E2F6: variants seen among roughly 807,000 people sequenced by gnomAD.
The protein encoded by E2F6 is E2F transcription factor 6.
In E2F6, 19 loss-of-function variants were observed where a neutral mutation model predicts 31.5. The ratio of observed to expected loss-of-function variants is 0.60; its 90% CI spans 0.42 to 0.89. E2F6 has a LOEUF of 0.89. E2F6 is among the 40% of genes least tolerant of loss of function. The pLI, the probability that E2F6 is intolerant of heterozygous loss-of-function variation, is 0.00. For synonymous variants in E2F6, 121 were observed against 127.7 expected, an observed-to-expected ratio of 0.95 and a Z score of 0.36; for missense variants, 269 against 341.6, an observed-to-expected ratio of 0.79 and a Z score of 1.67.
chr2:11,465,893 G>T lies in E2F6; in HGVS notation c.-14C>A. 6.5e-7 allele frequency: 1 copy of T among 1,538,476 alleles called. No individual in the cohort carries two copies. Among genetic ancestry groups the T allele is most frequent in the Non-Finnish European group, 8.8e-7 (1 of 1,140,920 alleles). ...CTGCTGACTCATGCTGCCCGGCCGG[G>T]CGTCCTGCTCCCCTCGCACCCCACG... is the stretch of plus-strand genomic sequence containing the variant. On this transcript the variant is annotated 5_prime_UTR_variant, in exon 1 of 7. Coordinates refer to ENST00000381525, the MANE Select transcript of E2F6 (RefSeq NM_198256.4).
At chr2:11,455,825 C>A (rs1671369211) in intron 2 of E2F6, among the ~76,000 whole-genome samples, 1 of 152,016 alleles carries the variant, frequency 6.6e-6, no homozygotes, top group African/African-American at 2.4e-5. Context: ...TTCAAAGTCA[C>A]CCGATGGCAA....
intron 3 of E2F6, among the ~76,000 whole-genome samples, chr2:11,453,068 C>A (rs765294959): frequency 6.6e-6 from 1 of 152,178 alleles, no homozygotes; most frequent in Non-Finnish European, 1.5e-5. Flanking sequence ...CATGTGTGCA[C>A]ACACAGATAC....
In E2F6 at chr2:11,458,319, A is replaced by G. The variant is rs754305158; in HGVS notation, c.109-1086T>C. 4 of 1,551,812 alleles carry G rather than the reference A, an allele frequency of 2.6e-6. No homozygotes were observed. The South Asian group carries it at 4.8e-5, about 18-fold the overall frequency. On this transcript the variant is annotated intron_variant, in intron 1 of 6. Coordinates refer to ENST00000381525, the MANE Select transcript of E2F6 (RefSeq NM_198256.4). ...GCGAAGGCAGCCCTCAGCTGAGCCT[A>G]GCCCAGCAAGCCAGATTTGCCTGAA...
rs1367266354 is a variant in E2F6 at position 11,444,772 on chromosome 2, C to CA, written c.*1704dup. The CA allele has an allele frequency of 4.6e-5, 7 of 152,256 alleles. No homozygotes were observed. Among genetic ancestry groups the CA allele is most frequent in the African/African-American group, 1.4e-4 (6 of 41,438 alleles). The allele number at this position is 152,256 out of a possible 1,614,324, so 9.4% of individuals were successfully genotyped here. A position where few individuals can be genotyped will look rare whatever the true frequency, so the allele number is the denominator to read the frequency against. Reference sequence around the variant, plus strand: ...CCGCTGAGCACCTGACCTACATACACACAACAACCTGCTCAACTCTTGCTT... The same window carrying CA: ...CCGCTGAGCACCTGACCTACATACACAACAACAACCTGCTCAACTCTTGCTT... On this transcript the variant is annotated 3_prime_UTR_variant, in exon 7 of 7. Transcript: ENST00000381525.
chr2:11,452,736 C>T (rs898759293), intron 3 of E2F6, among the ~76,000 whole-genome samples: 2 of 151,952 alleles, frequency 1.3e-5, no homozygotes, highest in African/African-American at 4.8e-5. Flanking sequence ...AAGGTCCTTG[C>T]CTTTATCTTT....
At chr2:11,452,123 C>G (rs1297136141) in intron 3 of E2F6, among the ~76,000 whole-genome samples, 2 of 152,140 alleles carry the variant, frequency 1.3e-5, no homozygotes, top group Non-Finnish European at 2.9e-5. Context: ...CCAGCTTCAG[C>G]CTCAGTCCTA....
intron 6 of E2F6, 88 bp downstream of exon 6, chr2:11,447,539 A>G: frequency 7.1e-7 from 1 of 1,403,318 alleles, no homozygotes. Flanking sequence ...GTGGCTAGGA[A>G]GAGTAAAAAT....
chr2:11,447,222 C>T (rs1484255101), intron 6 of E2F6, among the ~76,000 whole-genome samples: 1 of 152,156 alleles, frequency 6.6e-6, no homozygotes, highest in African/African-American at 2.4e-5. Context: ...GTGGAGTGGG[C>T]TGTTGGCTGA....
intron 4 of E2F6, 103 bp from the exon 5 acceptor site, chr2:11,450,229 GT>G: frequency 1.7e-6 from 1 of 585,820 alleles, no homozygotes; most frequent in Non-Finnish European, 2.8e-6. Context: ...AATGTTTTTA[GT>G]TTTTATGAGA....
chr2:11,453,239 C>T (rs1247133339), intron 3 of E2F6, among the ~76,000 whole-genome samples: 1 of 151,990 alleles, frequency 6.6e-6, no homozygotes, highest in African/African-American at 2.4e-5. Context: ...TCCTGGGCTA[C>T]CTGTTGAGAA....
At chr2:11,453,869 G>A (rs1464966703) in intron 2 of E2F6, 71 bp from the exon 3 acceptor site, 5 of 1,347,114 alleles carry the variant, frequency 3.7e-6, no homozygotes, top group African/African-American at 1.5e-5. Context: ...AAAATCATCT[G>A]TTTCCTCTTG....
At position 11,445,206 on chromosome 2, in the gene E2F6, A is replaced by G. The variant is rs1670645408; in HGVS notation, c.*1271T>C. ...GAAGTCGCTTCAAATATTTCTTTAAAAGCAATATTCAAACGATACAGGAAT... is the reference window on the plus strand; with the variant it reads ...GAAGTCGCTTCAAATATTTCTTTAAGAGCAATATTCAAACGATACAGGAAT... On this transcript the variant is annotated 3_prime_UTR_variant, in exon 7 of 7. Coordinates refer to ENST00000381525, the MANE Select transcript of E2F6 (RefSeq NM_198256.4). 1 of 152,232 alleles carries G rather than the reference A, an allele frequency of 6.6e-6. No homozygotes were observed. The highest frequency in any genetic ancestry group is 2.4e-5 in the African/African-American group (1 of 41,444). 9.4% of individuals were successfully genotyped at this position (152,232 alleles called of 1,614,324 possible). A position where few individuals can be genotyped will look rare whatever the true frequency, so the allele number is the denominator to read the frequency against.
chr2:11,447,581 T>C lies in E2F6; in HGVS notation c.799+46A>G, dbSNP rs189688920. 64 of 1,593,624 alleles carry C rather than the reference T, an allele frequency of 4.0e-5. No individual in the cohort carries two copies. In the African/African-American group the frequency reaches 6.2e-4, roughly 15 times the overall value. On this transcript the variant is annotated intron_variant, in intron 6 of 6. Transcript: ENST00000381525. ...AGGCCATAATACACATTAATAAAAT[T>C]ATGCATGCTTAATTAAAATACTGTC...
At chr2:11,450,577 C>A (rs1670998725) in intron 4 of E2F6, among the ~76,000 whole-genome samples, 2 of 152,080 alleles carry the variant, frequency 1.3e-5, no homozygotes, top group South Asian at 4.1e-4. Context: ...GGAAAAAAAT[C>A]TATAAAAAGG....
At chr2:11,464,482 A>T (rs1672004246) in intron 1 of E2F6, among the ~76,000 whole-genome samples, 1 of 143,932 alleles carries the variant, frequency 6.9e-6, no homozygotes, top group Non-Finnish European at 1.5e-5. Context: ...AGGCCACTGC[A>T]CTCCAGCCTG....
Position 11,450,146 on chromosome 2 carries a change from C to A in E2F6, c.537-20G>T, listed in dbSNP as rs780096052. The A allele has an allele frequency of 1.3e-6, 2 of 1,531,528 alleles. No homozygotes were observed. The highest frequency in any genetic ancestry group is 2.3e-5 in the East Asian group (1 of 43,538). 94.9% of individuals were successfully genotyped at this position (1,531,528 alleles called of 1,614,324 possible). ...GCTAGTGTAAAACTCAGTCAAGGATCTCTACACAGAATGCTGTTTACTGGG... is the reference window on the plus strand; with the variant it reads ...GCTAGTGTAAAACTCAGTCAAGGATATCTACACAGAATGCTGTTTACTGGG... On this transcript the variant is annotated intron_variant, in intron 4 of 6. Transcript: ENST00000381525.
intron 1 of E2F6, among the ~76,000 whole-genome samples, chr2:11,460,913 T>C (rs1488039889): frequency 6.6e-6 from 1 of 152,116 alleles, no homozygotes; most frequent in Non-Finnish European, 1.5e-5. Flanking sequence ...TCCACTATAA[T>C]CTTACAGGAC....
chr2:11,464,418 G>A (rs1311961863), intron 1 of E2F6, among the ~76,000 whole-genome samples: 4 of 150,940 alleles, frequency 2.7e-5, no homozygotes, highest in Non-Finnish European at 5.9e-5. Context: ...TCAGGAGGCT[G>A]AGGCAGGAAA....
chr2:11,457,247 TA>T lies in E2F6; in HGVS notation c.109-15del, dbSNP rs1558459215. 2 of 1,476,540 alleles carry T rather than the reference TA, an allele frequency of 1.4e-6. No individual in the cohort carries two copies. Among genetic ancestry groups the T allele is most frequent in the Middle Eastern group, 4.1e-4 (2 of 4,896 alleles). The allele number at this position is 1,476,540 out of a possible 1,614,324, so 91.5% of individuals were successfully genotyped here. A position where few individuals can be genotyped will look rare whatever the true frequency, so the allele number is the denominator to read the frequency against. On this transcript the variant is annotated splice_polypyrimidine_tract_variant and intron_variant, in intron 1 of 6. Transcript: ENST00000381525. ...TATTTTTGATGGCTGAAAAAAAAGATAAAAAATTTAACTTAGTGATTTTAAA... is the reference window on the plus strand; with the variant it reads ...TATTTTTGATGGCTGAAAAAAAAGATAAAAATTTAACTTAGTGATTTTAAA...
Sources: allele counts gnomAD v4.1 joint callset (sites outside exome capture counted in the v4.1 genomes callset), GRCh38; gene constraint gnomAD v4.1.1; transcripts MANE v1.5; gene names NCBI Gene and HGNC (gene_info 2026-07-23, HGNC 2026-07-21).